MAP2: variants seen among roughly 807,000 people sequenced by gnomAD.
MAP2 encodes the protein microtubule-associated protein 2.
A neutral mutation model predicts 137.6 loss-of-function variants in MAP2; 14 were observed. The ratio of observed to expected loss-of-function variants is 0.10; its 90% CI spans 0.07 to 0.16. The LOEUF (loss-of-function observed/expected upper bound fraction) is 0.16, where lower values mean the gene tolerates loss of function less well. Among genes scored for constraint, MAP2 ranks in the 10% least tolerant of loss-of-function variants. MAP2 has a pLI of 1.00. For missense variants in MAP2, 2,088 were observed against 2,191.5 expected, an observed-to-expected ratio of 0.95 and a Z score of 0.94; for synonymous variants, 786 against 782.3, an observed-to-expected ratio of 1.00 and a Z score of -0.08.
At chr2:209,676,975 A>G (rs1351233854) in intron 5 of MAP2, among the ~76,000 whole-genome samples, 1 of 151,550 alleles carries the variant, frequency 6.6e-6, no homozygotes, top group Non-Finnish European at 1.5e-5. Flanking sequence ...ACGTCTAAGC[A>G]TGATCTTTAC....
intron 14 of MAP2, among the ~76,000 whole-genome samples, chr2:209,726,807 T>C (rs2153814361): frequency 6.6e-6 from 1 of 152,270 alleles, no homozygotes; most frequent in East Asian, 1.9e-4. Flanking sequence ...AAAAGATGAC[T>C]GTCATATTTG....
intron 1 of MAP2, among the ~76,000 whole-genome samples, chr2:209,471,270 C>T (rs1705643994): frequency 6.6e-6 from 1 of 152,128 alleles, no homozygotes; most frequent in Non-Finnish European, 1.5e-5. Context: ...TACTCAAACT[C>T]CTTCAGGTTC....
intron 1 of MAP2, among the ~76,000 whole-genome samples, chr2:209,436,397 C>T (rs1384321293): frequency 6.6e-6 from 1 of 151,626 alleles, no homozygotes; most frequent in African/African-American, 2.4e-5. Context: ...CTCAGCTCTG[C>T]TGTTGTAGCA....
chr2:209,697,653 A>G (rs1374123241), intron 10 of MAP2, among the ~76,000 whole-genome samples: 1 of 152,180 alleles, frequency 6.6e-6, no homozygotes, highest in Non-Finnish European at 1.5e-5. Flanking sequence ...CTCATATCCA[A>G]AATTAACAAG....
chr2:209,690,429 C>G (rs2058503158), intron 7 of MAP2, among the ~76,000 whole-genome samples: 1 of 152,082 alleles, frequency 6.6e-6, no homozygotes, highest in African/African-American at 2.4e-5. Context: ...CAACCAGTAC[C>G]TAATGTATGT....
At chr2:209,640,361 A>G (rs1559464140) in intron 4 of MAP2, among the ~76,000 whole-genome samples, 1 of 152,142 alleles carries the variant, frequency 6.6e-6, no homozygotes. Flanking sequence ...ACAGTTAAAA[A>G]ATAATTAATT....
chr2:209,715,797 A>T (rs1383281585), intron 13 of MAP2, among the ~76,000 whole-genome samples: 1 of 152,242 alleles, frequency 6.6e-6, no homozygotes, highest in Non-Finnish European at 1.5e-5. Flanking sequence ...CATCAGTGTG[A>T]CTGATGCCAC....
At chr2:209,522,675 G>C (rs886935489) in intron 2 of MAP2, among the ~76,000 whole-genome samples, 9 of 152,072 alleles carry the variant, frequency 5.9e-5, no homozygotes, top group African/African-American at 1.9e-4. Context: ...CTCAATCCAG[G>C]AAATTTATTT....
At chr2:209,559,248 A>G (rs1175430634) in intron 2 of MAP2, among the ~76,000 whole-genome samples, 1 of 151,760 alleles carries the variant, frequency 6.6e-6, no homozygotes, top group Non-Finnish European at 1.5e-5. Context: ...TCCCTCTGTT[A>G]GAGTATCTCT....
chr2:209,493,469 G>A (rs1246921435), intron 1 of MAP2, among the ~76,000 whole-genome samples: 1 of 152,206 alleles, frequency 6.6e-6, no homozygotes, highest in Non-Finnish European at 1.5e-5. Context: ...CTTCTGCACA[G>A]CAAAAGAAAC....
intron 4 of MAP2, among the ~76,000 whole-genome samples, chr2:209,639,095 C>T (rs1248501384): frequency 6.6e-6 from 1 of 151,976 alleles, no homozygotes; most frequent in East Asian, 1.9e-4. Context: ...TTTAGGCTCT[C>T]TGTTGCTTAA....
At chr2:209,709,838 C>A in intron 12 of MAP2, 76 bp from the exon 13 acceptor site, 1 of 1,039,902 alleles carries the variant, frequency 9.6e-7, no homozygotes, top group Non-Finnish European at 1.4e-6. Flanking sequence ...TGACTTCTAA[C>A]AATCTATGGG....
chr2:209,593,759 AATATATAATATAATAT>A (rs2080234525), intron 3 of MAP2, among the ~76,000 whole-genome samples: 1 of 95,112 alleles, frequency 1.1e-5, no homozygotes, highest in Admixed American at 1.6e-4. Flanking sequence ...TATTATATAT[AATATATAATATAATAT>A]AATACATTAT....
At chr2:209,557,417 G>GT (rs151229138) in intron 2 of MAP2, among the ~76,000 whole-genome samples, 2,963 of 152,214 alleles carry the variant, frequency 0.019, 93 homozygotes, top group African/African-American at 0.068. Context: ...AAAAAAATGT[G>GT]GTTTTTTTTC....
intron 5 of MAP2, among the ~76,000 whole-genome samples, chr2:209,676,957 C>G (rs1341566953): frequency 6.6e-6 from 1 of 151,260 alleles, no homozygotes. Flanking sequence ...CATTATTAAA[C>G]AATTTAGACG....
chr2:209,703,649 A>G (rs1265942669), intron 11 of MAP2, among the ~76,000 whole-genome samples: 1 of 152,126 alleles, frequency 6.6e-6, no homozygotes, highest in Non-Finnish European at 1.5e-5. Flanking sequence ...GTCACTTGTA[A>G]CATTCTTTCT....
chr2:209,722,466 A>C lies in MAP2; in HGVS notation c.5074-3243A>C, dbSNP rs140740843. Among the ~76,000 whole-genome samples, 605 of 152,372 alleles carry C rather than the reference A, an allele frequency of 4.0e-3. 6 individuals carry two copies. Among genetic ancestry groups the C allele is most frequent in the African/African-American group, 0.014 (569 of 41,588 alleles). ...CTGTGTATCTAAGGTAAATTTATTTAGAATTTTTTAATAAGAGGATAAAGT... is the reference window on the plus strand; with the variant it reads ...CTGTGTATCTAAGGTAAATTTATTTCGAATTTTTTAATAAGAGGATAAAGT... On this transcript the variant is annotated intron_variant, in intron 13 of 15. Transcript: ENST00000682079.
rs776083711 is a variant in MAP2, at chr2:209,696,075, G to A, written c.3905G>A (p.Gly1302Glu). The change falls in exon 8 of 16, where the codon GGG becomes GAG. Residue 1302 changes from glycine (G) to glutamate (E), a missense_variant. Gly to Glu is a moderately conservative substitution (Grantham distance 98). Transcript: ENST00000682079. ...ITVVQTTTDE[G>E]ESGSHSVRFA... ...GTAGTGCAAACCACAACTGATGAAG[G>A]GGAGTCAGGGTCCCACAGCGTGCGT... 1.5e-5 allele frequency: 25 copies of A among 1,614,094 alleles called. No homozygotes were observed. The highest frequency in any genetic ancestry group is 2.0e-5 in the Non-Finnish European group (24 of 1,180,008).
intron 5 of MAP2, among the ~76,000 whole-genome samples, chr2:209,664,526 G>A (rs2045321759): frequency 6.6e-6 from 1 of 151,560 alleles, no homozygotes; most frequent in South Asian, 2.1e-4. Flanking sequence ...TCCAGCCTGG[G>A]CAACAGAGTG....
Sources: allele counts gnomAD v4.1 joint callset (sites outside exome capture counted in the v4.1 genomes callset), GRCh38; gene constraint gnomAD v4.1.1; transcripts MANE v1.5; gene names NCBI Gene and HGNC (gene_info 2026-07-23, HGNC 2026-07-21).